Variants in NFATC3 observed in about 807,000 individuals in gnomAD.
NFATC3 encodes nuclear factor of activated T-cells, cytoplasmic 3.
NFATC3 carries 46 observed loss-of-function variants against 98.6 expected under a neutral mutation model. That is an observed-to-expected ratio of 0.47 (90% confidence interval 0.37 to 0.60). The LOEUF (loss-of-function observed/expected upper bound fraction) is 0.60. Among genes scored for constraint, NFATC3 ranks in the 20% least tolerant of loss-of-function variants. The probability of loss-of-function intolerance (pLI) is 0.00; values close to 1 mark genes in which losing one functional copy is unlikely to be tolerated. For missense variants in NFATC3, 1,256 were observed against 1,295.5 expected (o/e 0.97, Z 0.47); for synonymous variants, 512 against 472.2 (o/e 1.08, Z -1.09).
intron 1 of NFATC3, among the ~76,000 whole-genome samples, chr16:68,092,026 T>C (rs2034737554): frequency 1.3e-5 from 2 of 152,218 alleles, no homozygotes; most frequent in African/African-American, 4.8e-5. Flanking sequence ...CTAGTAATGT[T>C]TACGTAATTA....
chr16:68,127,999 T>G (rs945430734), intron 3 of NFATC3, among the ~76,000 whole-genome samples: 12 of 151,586 alleles, frequency 7.9e-5, no homozygotes, highest in Non-Finnish European at 1.3e-4. Flanking sequence ...TTTCATTAAG[T>G]TTTTTTTTGT....
chr16:68,206,848 T>C (rs938026973), intron 9 of NFATC3, among the ~76,000 whole-genome samples: 5 of 151,634 alleles, frequency 3.3e-5, no homozygotes, highest in South Asian at 2.1e-4. Flanking sequence ...TTGGGCGTGG[T>C]GGTGTGCGCC....
rs1022889751 is a variant in NFATC3, at chr16:68,228,126, A to G, written c.*1655A>G. On this transcript the variant is annotated 3_prime_UTR_variant, in exon 10 of 10. Transcript: ENST00000346183. ...AGCTGTTGACTCAGGATGAGGAAGT[A>G]TGGTCTTTAAAAAAAACAAAATATA... 6.6e-6 allele frequency: 1 copy of G among 152,186 alleles called. No homozygotes were observed. Among genetic ancestry groups the G allele is most frequent in the African/African-American group, 2.4e-5 (1 of 41,428 alleles). The allele number at this position is 152,186 out of a possible 1,614,324, so 9.4% of individuals were successfully genotyped here. A position where few individuals can be genotyped will look rare whatever the true frequency, so the allele number is the denominator to read the frequency against.
chr16:68,189,427 A>G (rs1190389738), intron 8 of NFATC3: 1 of 213,588 alleles, frequency 4.7e-6, no homozygotes, highest in Admixed American at 4.2e-5. Context: ...CATGGGAAAA[A>G]AGATTGTGTT....
chr16:68,166,837 C>T lies in NFATC3; in HGVS notation c.1602-6C>T. On this transcript the variant is annotated splice_region_variant and splice_polypyrimidine_tract_variant and intron_variant, in intron 4 of 9. Coordinates refer to ENST00000346183, the MANE Select transcript of NFATC3 (RefSeq NM_173165.3). ...ACAAATTAAATTTTTGTATTTTTCT[C>T]TTTAGTATTGATTGTGCAGGTATTT... 6.2e-7 allele frequency: 1 copy of T among 1,603,678 alleles called. No individual in the cohort carries two copies.
intron 9 of NFATC3, chr16:68,218,108 G>A (rs1286008540): frequency 1.3e-5 from 11 of 867,948 alleles, no homozygotes; most frequent in Non-Finnish European, 1.5e-5. Flanking sequence ...TGCCTAGGCT[G>A]GAGTGCAGTG....
chr16:68,103,185 T>C (rs938166819), intron 1 of NFATC3, among the ~76,000 whole-genome samples: 1 of 151,024 alleles, frequency 6.6e-6, no homozygotes, highest in Admixed American at 6.6e-5. Flanking sequence ...TTCTTCTTTT[T>C]TTTTTATTTT....
chr16:68,105,395 AT>A (rs1298323891), intron 1 of NFATC3, among the ~76,000 whole-genome samples: 1 of 151,424 alleles, frequency 6.6e-6, no homozygotes. Flanking sequence ...GATTGTGTGG[AT>A]TTTTTTTCTT....
chr16:68,123,955 G>T (rs1190653858), intron 2 of NFATC3, among the ~76,000 whole-genome samples: 1 of 151,794 alleles, frequency 6.6e-6, no homozygotes, highest in African/African-American at 2.4e-5. Flanking sequence ...CTGCACTGCA[G>T]CCTGGGTGAA....
intron 1 of NFATC3, among the ~76,000 whole-genome samples, chr16:68,102,330 C>T (rs1436038847): frequency 1.5e-5 from 2 of 131,428 alleles, no homozygotes; most frequent in African/African-American, 2.9e-5. Context: ...CGAGATTGCA[C>T]TACTGCACTC....
intron 9 of NFATC3, among the ~76,000 whole-genome samples, chr16:68,216,312 T>G (rs187034051): frequency 1.1e-4 from 16 of 152,326 alleles, no homozygotes; most frequent in Middle Eastern, 3.4e-3. Context: ...TCTCACATCT[T>G]AAGCCAAATT....
intron 9 of NFATC3, among the ~76,000 whole-genome samples, chr16:68,215,852 C>T (rs2041616574): frequency 6.6e-6 from 1 of 151,238 alleles, no homozygotes; most frequent in Admixed American, 6.6e-5. Context: ...CTTAGCCTCC[C>T]GAGTAGCTGG....
chr16:68,124,411 C>T (rs952625232), intron 2 of NFATC3, among the ~76,000 whole-genome samples: 2 of 145,374 alleles, frequency 1.4e-5, no homozygotes, highest in Non-Finnish European at 3.0e-5. Flanking sequence ...TGTGCCCGGC[C>T]AGGGGTTTTT....
intron 3 of NFATC3, among the ~76,000 whole-genome samples, chr16:68,131,202 A>G (rs1008839052): frequency 3.3e-5 from 5 of 152,136 alleles, no homozygotes; most frequent in Admixed American, 2.6e-4. Context: ...TGGTATTTTG[A>G]CAGAGATTGC....
At chr16:68,216,464 G>A (rs759689298) in intron 9 of NFATC3, among the ~76,000 whole-genome samples, 6 of 152,016 alleles carry the variant, frequency 3.9e-5, no homozygotes, top group Non-Finnish European at 5.9e-5. Flanking sequence ...AATGTTTTCA[G>A]TTAAAAACAT....
At chr16:68,159,513 C>A (rs373094660) in intron 4 of NFATC3, among the ~76,000 whole-genome samples, 3 of 151,288 alleles carry the variant, frequency 2.0e-5, no homozygotes, top group East Asian at 4.0e-4. Context: ...AGCTCCGCCT[C>A]CTGGGTTGAT....
chr16:68,188,511 G>A (rs1164640422), intron 8 of NFATC3, among the ~76,000 whole-genome samples: 10 of 152,176 alleles, frequency 6.6e-5, no homozygotes, highest in Non-Finnish European at 1.0e-4. Context: ...GCTGCACCTC[G>A]CCCACTGCAG....
rs897285066 is a variant in NFATC3 at position 68,122,342 on chromosome 16, T to G, written c.459T>G (p.Leu153=). The G allele has an allele frequency of 6.8e-6, 11 of 1,614,052 alleles. No homozygotes were observed. In the Admixed American group the frequency reaches 1.8e-4, roughly 27 times the overall value. ...CTAGAGATCATCTCTATCTTCCTCT[T>G]GAGCCATCCTACCGGGAGTCTTCTC... ...RPSRDHLYLP[L]EPSYRESSLS... is the part of the protein sequence containing the mutation. Residue 153 remains leucine (L), a synonymous_variant, in exon 2 of 10, where the codon CTT becomes CTG. Transcript: ENST00000346183.
intron 9 of NFATC3, chr16:68,217,935 C>T: frequency 8.2e-7 from 1 of 1,224,550 alleles, no homozygotes. Context: ...ACTAACTAAA[C>T]CTCGATTACT....
Sources: allele counts gnomAD v4.1 joint callset (sites outside exome capture counted in the v4.1 genomes callset), GRCh38; gene constraint gnomAD v4.1.1; transcripts MANE v1.5; gene names NCBI Gene and HGNC (gene_info 2026-07-23, HGNC 2026-07-21).